Variants in CACNB4 observed in about 807,000 individuals in gnomAD.
CACNB4 encodes voltage-dependent L-type calcium channel subunit beta-4.
Under a neutral mutation model 71.2 loss-of-function variants are expected in CACNB4, and 32 were observed. That is an observed-to-expected ratio of 0.45 (90% CI 0.34 to 0.60). The LOEUF (loss-of-function observed/expected upper bound fraction) is 0.60, where lower values mean the gene tolerates loss of function less well. Among genes scored for constraint, CACNB4 ranks in the 20% least tolerant of loss-of-function variants. The pLI, the probability that CACNB4 is intolerant of heterozygous loss-of-function variation, is 0.01. For synonymous variants in CACNB4, 231 were observed against 236.9 expected (o/e 0.97, Z 0.23); for missense variants, 464 against 647.9 (o/e 0.72, Z 3.08).
intron 2 of CACNB4, among the ~76,000 whole-genome samples, chr2:152,075,041 C>T (rs1184538869): frequency 1.3e-5 from 2 of 152,160 alleles, no homozygotes; most frequent in African/African-American, 2.4e-5. Flanking sequence ...AATACCGATA[C>T]ATATTATGGC....
chr2:152,010,906 T>A (rs1411624830), intron 2 of CACNB4, among the ~76,000 whole-genome samples: 1 of 152,046 alleles, frequency 6.6e-6, no homozygotes, highest in Admixed American at 6.6e-5. Context: ...ACGTTTCCTG[T>A]AAGAGATGGT....
At chr2:151,999,194 C>T (rs1879138) in intron 2 of CACNB4, among the ~76,000 whole-genome samples, 50,604 of 151,884 alleles carry the variant, frequency 0.33, 8,653 homozygotes, top group Middle Eastern at 0.48. Context: ...GCAGGTGGTG[C>T]TTCTTCCCAG....
chr2:151,870,365 G>A (rs1400005843), intron 8 of CACNB4, 166 bp downstream of exon 8: 7 of 708,830 alleles, frequency 9.9e-6, no homozygotes, highest in Non-Finnish European at 1.8e-5. Flanking sequence ...AGGAAAGAAA[G>A]GGCAGAGGGC....
intron 2 of CACNB4, among the ~76,000 whole-genome samples, chr2:151,903,753 A>C (rs1016433618): frequency 6.6e-5 from 10 of 152,140 alleles, no homozygotes; most frequent in African/African-American, 2.2e-4. Context: ...CATACTCTGA[A>C]AGCTCCCTGC....
At chr2:151,986,705 G>C (rs1482527370) in intron 2 of CACNB4, among the ~76,000 whole-genome samples, 2 of 152,190 alleles carry the variant, frequency 1.3e-5, no homozygotes, top group Non-Finnish European at 2.9e-5. Context: ...TGGTATTAGA[G>C]AGAAAAGTTC....
intron 2 of CACNB4, among the ~76,000 whole-genome samples, chr2:151,936,879 C>T (rs958845657): frequency 5.9e-5 from 9 of 152,232 alleles, no homozygotes; most frequent in African/African-American, 1.9e-4. Context: ...CTTCGAAAAA[C>T]CCTCCTATGT....
intron 2 of CACNB4, among the ~76,000 whole-genome samples, chr2:151,929,822 A>C (rs981450189): frequency 6.6e-6 from 1 of 152,176 alleles, no homozygotes; most frequent in Non-Finnish European, 1.5e-5. Flanking sequence ...AGAAATTTCC[A>C]GGCTCTATAT....
At chr2:152,042,261 T>A (rs1221729979) in intron 2 of CACNB4, among the ~76,000 whole-genome samples, 1 of 152,210 alleles carries the variant, frequency 6.6e-6, no homozygotes, top group Non-Finnish European at 1.5e-5. Context: ...TCAAACAGCA[T>A]CTTGCTCCTC....
intron 2 of CACNB4, among the ~76,000 whole-genome samples, chr2:151,893,491 C>T (rs2099851245): frequency 1.3e-5 from 2 of 152,132 alleles, no homozygotes; most frequent in Non-Finnish European, 2.9e-5. Context: ...ATCTATCCAC[C>T]TCAGCCTCCC....
At chr2:151,981,214 T>C (rs1046299359) in intron 2 of CACNB4, among the ~76,000 whole-genome samples, 1 of 152,226 alleles carries the variant, frequency 6.6e-6, no homozygotes, top group Non-Finnish European at 1.5e-5. Context: ...AAGAACCATG[T>C]CTTACTCAGC....
intron 2 of CACNB4, among the ~76,000 whole-genome samples, chr2:152,058,187 AC>A (rs1685820915): frequency 6.6e-6 from 1 of 152,094 alleles, no homozygotes; most frequent in South Asian, 2.1e-4. Flanking sequence ...AGTCAATTAA[AC>A]CTCTATCCTT....
At chr2:151,997,768 A>G (rs1682147934) in intron 2 of CACNB4, among the ~76,000 whole-genome samples, 1 of 152,148 alleles carries the variant, frequency 6.6e-6, no homozygotes, top group South Asian at 2.1e-4. Flanking sequence ...GAGAAAATAA[A>G]TGTGTGCTAT....
chr2:152,011,567 ACTGT>A (rs1353404403), intron 2 of CACNB4, among the ~76,000 whole-genome samples: 1 of 152,120 alleles, frequency 6.6e-6, no homozygotes, highest in African/African-American at 2.4e-5. Flanking sequence ...CTCTTTTCTC[ACTGT>A]CTGTCACAAA....
At chr2:151,941,636 C>T (rs141117186) in intron 2 of CACNB4, among the ~76,000 whole-genome samples, 1 of 152,096 alleles carries the variant, frequency 6.6e-6, no homozygotes, top group Non-Finnish European at 1.5e-5. Context: ...CTAGCATCTC[C>T]CCTCAAGAAT....
At chr2:151,864,419 T>C (rs2099842553) in intron 9 of CACNB4, among the ~76,000 whole-genome samples, 1 of 152,268 alleles carries the variant, frequency 6.6e-6, no homozygotes, top group South Asian at 2.1e-4. Flanking sequence ...GGAAAGATAT[T>C]ACTTTCAGTT....
intron 2 of CACNB4, among the ~76,000 whole-genome samples, chr2:151,927,849 G>T (rs576511431): frequency 1.3e-5 from 2 of 152,220 alleles, no homozygotes; most frequent in East Asian, 3.8e-4. Flanking sequence ...GCACAGTAGC[G>T]GTGAGCTTGA....
chr2:151,864,456 G>GT (rs1443322080), intron 9 of CACNB4, among the ~76,000 whole-genome samples: 1 of 152,164 alleles, frequency 6.6e-6, no homozygotes, highest in Non-Finnish European at 1.5e-5. Flanking sequence ...AAAATAATTT[G>GT]TATTTCCACG....
At chr2:151,888,033 A>T (rs1387885957) in intron 2 of CACNB4, among the ~76,000 whole-genome samples, 2 of 152,188 alleles carry the variant, frequency 1.3e-5, no homozygotes, top group African/African-American at 4.8e-5. Flanking sequence ...ATTTTTAATA[A>T]ATTTACAGAA....
rs116295095 is a variant in CACNB4 at position 151,846,203 on chromosome 2, G to A, written c.1117-4115C>T. Among the ~76,000 whole-genome samples the A allele has an allele frequency of 4.7e-3, 722 of 152,316 alleles. 5 individuals are homozygous for A. The highest frequency in any genetic ancestry group is 0.016 in the African/African-American group (676 of 41,566). Reference sequence around the variant, plus strand: ...GATCTCAGTGTTTCAGGAGACATGAGACTATCACTGCTAAACCTTGAAAAT... The same window carrying A: ...GATCTCAGTGTTTCAGGAGACATGAAACTATCACTGCTAAACCTTGAAAAT... On this transcript the variant is annotated intron_variant, in intron 12 of 13. Coordinates refer to ENST00000539935, the MANE Select transcript of CACNB4 (RefSeq NM_000726.5).
Sources: allele counts gnomAD v4.1 joint callset (sites outside exome capture counted in the v4.1 genomes callset), GRCh38; gene constraint gnomAD v4.1.1; transcripts MANE v1.5; gene names NCBI Gene and HGNC (gene_info 2026-07-23, HGNC 2026-07-21).